UBE2E1: variants seen among roughly 807,000 people sequenced by gnomAD.
UBE2E1 encodes ubiquitin conjugating enzyme E2 E1.
UBE2E1 carries 6 observed loss-of-function variants against 21.4 expected under a neutral mutation model. The ratio of observed to expected loss-of-function variants is 0.28; its 90% CI spans 0.15 to 0.55. The LOEUF is 0.55. UBE2E1 is among the 20% of genes least tolerant of loss of function. The probability of loss-of-function intolerance (pLI) is 0.93; values close to 1 mark genes in which losing one functional copy is unlikely to be tolerated. For missense variants in UBE2E1, 142 were observed against 236.5 expected, an observed-to-expected ratio of 0.60 and a Z score of 2.62; for synonymous variants, 87 against 82.7, an observed-to-expected ratio of 1.05 and a Z score of -0.28.
intron 3 of UBE2E1, among the ~76,000 whole-genome samples, chr3:23,835,989 T>C (rs1274939114): frequency 6.6e-6 from 1 of 152,238 alleles, no homozygotes; most frequent in Non-Finnish European, 1.5e-5. Flanking sequence ...TCTTTTCAGC[T>C]GCTGCTTTTA....
Position 23,876,620 on chromosome 3 carries a change from G to T in UBE2E1, c.204-10947G>T, listed in dbSNP as rs1023955383. On this transcript the variant is annotated intron_variant, in intron 3 of 5. Coordinates refer to ENST00000306627, the MANE Select transcript of UBE2E1 (RefSeq NM_003341.5). The surrounding 1 kb of genome is among the most constrained non-coding windows in gnomAD (Gnocchi z 4.3). Reference sequence around the variant, plus strand: ...AAGCATTTTGTAAATTCAGTTTTGGGTTTTTTGTTTTTTGTTTCTTGTTTT... The same window carrying T: ...AAGCATTTTGTAAATTCAGTTTTGGTTTTTTTGTTTTTTGTTTCTTGTTTT... Among the ~76,000 whole-genome samples the T allele has an allele frequency of 6.6e-6, 1 of 152,084 alleles. No homozygotes were observed. Among genetic ancestry groups the T allele is most frequent in the East Asian group, 1.9e-4 (1 of 5,178 alleles).
At chr3:23,869,351 C>T (rs1357567100) in intron 3 of UBE2E1, among the ~76,000 whole-genome samples, 1 of 114,620 alleles carries the variant, frequency 8.7e-6, no homozygotes, top group Non-Finnish European at 1.6e-5. Flanking sequence ...TTATGGTATC[C>T]TTTTTTTTTT....
chr3:23,831,243 T>G (rs893276430), intron 3 of UBE2E1, among the ~76,000 whole-genome samples: 2 of 152,226 alleles, frequency 1.3e-5, no homozygotes, highest in Non-Finnish European at 2.9e-5. Flanking sequence ...AGGAATTCTC[T>G]CCAACTCTCA....
At position 23,870,637 on chromosome 3, in the gene UBE2E1, G is replaced by C. The variant is rs1360520418; in HGVS notation, c.204-16930G>C. 6.6e-6 allele frequency among the ~76,000 whole-genome samples: 1 copy of C among 151,852 alleles called. No homozygotes were observed. The highest frequency in any genetic ancestry group is 1.5e-5 in the Non-Finnish European group (1 of 67,942). On this transcript the variant is annotated intron_variant, in intron 3 of 5. Coordinates refer to ENST00000306627, the MANE Select transcript of UBE2E1 (RefSeq NM_003341.5). The surrounding 1 kb of genome is among the most constrained non-coding windows in gnomAD (Gnocchi z 4.2). ...CTCTTATTTCCAAAACTATAAAACT[G>C]TTCACTTATATTTTCTTCAAGTTCC...
At chr3:23,819,468 C>T (rs114990874) in intron 3 of UBE2E1, among the ~76,000 whole-genome samples, 1,717 of 152,180 alleles carry the variant, frequency 0.011, 42 homozygotes, top group African/African-American at 0.04. Flanking sequence ...TTGAGTAGCA[C>T]TCTAGGTATT....
intron 3 of UBE2E1, among the ~76,000 whole-genome samples, chr3:23,819,226 G>A (rs1424592930): frequency 6.6e-6 from 1 of 152,192 alleles, no homozygotes; most frequent in Non-Finnish European, 1.5e-5. Flanking sequence ...AGGGGTTGCA[G>A]TGAACCAAGA....
intron 3 of UBE2E1, among the ~76,000 whole-genome samples, chr3:23,821,672 C>T (rs944970429): frequency 6.6e-6 from 1 of 152,078 alleles, no homozygotes; most frequent in African/African-American, 2.4e-5. Flanking sequence ...ACAAAAATGA[C>T]TCCAAGTTTC....
At position 23,806,631 on chromosome 3, in the gene UBE2E1, G is replaced by A. The variant is rs1699278196; in HGVS notation, c.-34+543G>A. On this transcript the variant is annotated intron_variant, in intron 1 of 5. Transcript: ENST00000306627. This position sits in a 1 kb window ranked among gnomAD's most constrained non-coding sequence, Gnocchi z 6.5. ...GGCCAGAGGCAGGCAGGCCGGGAGG[G>A]GCGTCGGGGCGCGGCGCGGGGGGGC... Among the ~76,000 whole-genome samples, 1 of 151,156 alleles carries A rather than the reference G, an allele frequency of 6.6e-6. No homozygotes were observed.
intron 3 of UBE2E1, among the ~76,000 whole-genome samples, chr3:23,882,930 C>T (rs560737826): frequency 6.6e-6 from 1 of 152,330 alleles, no homozygotes; most frequent in African/African-American, 2.4e-5. Flanking sequence ...CCACACCTCC[C>T]TGCAAACAGA....
chr3:23,876,185 A>G lies in UBE2E1; in HGVS notation c.204-11382A>G, dbSNP rs1240114113. On this transcript the variant is annotated intron_variant, in intron 3 of 5. Transcript: ENST00000306627. The surrounding 1 kb of genome is among the most constrained non-coding windows in gnomAD (Gnocchi z 4.3). Reference sequence around the variant, plus strand: ...TTAACCTGAATGGTACATTCCTCACAGTACCAGAGCCTCTTCCTTTCCTCT... The same window carrying G: ...TTAACCTGAATGGTACATTCCTCACGGTACCAGAGCCTCTTCCTTTCCTCT... 6.6e-6 allele frequency among the ~76,000 whole-genome samples: 1 copy of G among 152,220 alleles called. No individual in the cohort carries two copies. Among genetic ancestry groups the G allele is most frequent in the Non-Finnish European group, 1.5e-5 (1 of 68,042 alleles).
chr3:23,879,571 C>G (rs4858552), intron 3 of UBE2E1: 2 of 286,312 alleles, frequency 7.0e-6, no homozygotes. Context: ...CGTAGGTGAT[C>G]CAGCTATAAG....
rs921780967 is a variant in UBE2E1, at chr3:23,891,469, G to A, written c.*863G>A. Among the ~76,000 whole-genome samples, 4 of 152,150 alleles carry A rather than the reference G, an allele frequency of 2.6e-5. No individual in the cohort carries two copies. The highest frequency in any genetic ancestry group is 5.9e-5 in the Non-Finnish European group (4 of 68,020). On this transcript the variant is annotated 3_prime_UTR_variant, in exon 6 of 6. Transcript: ENST00000306627. ...TATATTAGGATCTGTACTTTACACA[G>A]CTGTAGATGAGGTATCCTAGAAAAG...
intron 3 of UBE2E1, among the ~76,000 whole-genome samples, chr3:23,881,196 G>C (rs73034798): frequency 2.0e-5 from 3 of 152,250 alleles, no homozygotes; most frequent in Non-Finnish European, 4.4e-5. Flanking sequence ...TTACATACCT[G>C]TGTGAAGTCA....
chr3:23,826,582 G>T (rs1699764355), intron 3 of UBE2E1, among the ~76,000 whole-genome samples: 1 of 152,148 alleles, frequency 6.6e-6, no homozygotes, highest in African/African-American at 2.4e-5. Context: ...ACTCCTCCCA[G>T]CCCTCACTTG....
At chr3:23,817,712 A>G (rs1699559917) in intron 3 of UBE2E1, among the ~76,000 whole-genome samples, 1 of 152,146 alleles carries the variant, frequency 6.6e-6, no homozygotes. Flanking sequence ...GTGATGGAAC[A>G]GTGTAAGCCA....
Position 23,863,936 on chromosome 3 carries a change from G to A in UBE2E1, c.204-23631G>A, listed in dbSNP as rs1029929390. Among the ~76,000 whole-genome samples, 5 of 152,156 alleles carry A rather than the reference G, an allele frequency of 3.3e-5. No homozygotes were observed. Among genetic ancestry groups the A allele is most frequent in the Admixed American group, 6.5e-5 (1 of 15,272 alleles). ...TTTATAGCTGTCATACCGGATTCTC[G>A]TGTCACTGTCTTTTGGGGAATTCTC... On this transcript the variant is annotated intron_variant, in intron 3 of 5. Coordinates refer to ENST00000306627, the MANE Select transcript of UBE2E1 (RefSeq NM_003341.5). This position sits in a 1 kb window ranked among gnomAD's most constrained non-coding sequence, Gnocchi z 4.3.
At chr3:23,825,888 G>C (rs1430908649) in intron 3 of UBE2E1, among the ~76,000 whole-genome samples, 2 of 152,196 alleles carry the variant, frequency 1.3e-5, no homozygotes, top group Non-Finnish European at 2.9e-5. Context: ...CTCATGAAAA[G>C]AGAGAAGGCA....
chr3:23,850,822 C>T (rs926302371), intron 3 of UBE2E1, among the ~76,000 whole-genome samples: 39 of 138,330 alleles, frequency 2.8e-4, no homozygotes, highest in African/African-American at 4.9e-4. Flanking sequence ...TACAGATGTG[C>T]GCCACCACAC....
chr3:23,833,642 ATGT>A (rs1326418636), intron 3 of UBE2E1, among the ~76,000 whole-genome samples: 2 of 152,214 alleles, frequency 1.3e-5, no homozygotes, highest in Non-Finnish European at 2.9e-5. Context: ...TTTACAGCAA[ATGT>A]TGTTGTCTAT....
Sources: allele counts gnomAD v4.1 joint callset (sites outside exome capture counted in the v4.1 genomes callset), GRCh38; gene constraint gnomAD v4.1.1; non-coding constraint Gnocchi (gnomAD v3.1); transcripts MANE v1.5; gene names NCBI Gene and HGNC (gene_info 2026-07-23, HGNC 2026-07-21).